The following GPC5 variants were observed in gnomAD, a reference collection of about 807,000 sequenced individuals.
GPC5 encodes the protein glypican-5.
A neutral mutation model predicts 53.9 loss-of-function variants in GPC5; 47 were observed. That is an observed-to-expected ratio of 0.87 (90% CI 0.69 to 1.11). The LOEUF (loss-of-function observed/expected upper bound fraction) is 1.11. Ranked by LOEUF, GPC5 falls within the 50% of genes most tolerant of loss-of-function variation. The pLI, the probability that GPC5 is intolerant of heterozygous loss-of-function variation, is 0.00. For synonymous variants in GPC5, 286 were observed against 263.3 expected, an observed-to-expected ratio of 1.09 and a Z score of -0.84; for missense variants, 748 against 713.1, an observed-to-expected ratio of 1.05 and a Z score of -0.56.
intron 6 of GPC5, among the ~76,000 whole-genome samples, chr13:91,996,934 G>T (rs1310610287): frequency 6.6e-6 from 1 of 151,932 alleles, no homozygotes; most frequent in Non-Finnish European, 1.5e-5. Context: ...AATACCACTT[G>T]TCTCTTCTAT....
chr13:91,489,049 G>A (rs150699319), intron 2 of GPC5, among the ~76,000 whole-genome samples: 193 of 152,314 alleles, frequency 1.3e-3, no homozygotes, highest in African/African-American at 4.2e-3. Flanking sequence ...ATTTTGGTCA[G>A]ACCGGTTGTC....
chr13:91,514,011 G>A (rs1437671543), intron 2 of GPC5, among the ~76,000 whole-genome samples: 1 of 152,130 alleles, frequency 6.6e-6, no homozygotes, highest in East Asian at 1.9e-4. Context: ...GCATTATATT[G>A]CATAGATACA....
chr13:92,417,743 T>C lies in GPC5; in HGVS notation c.1561+272754T>C, dbSNP rs1189522293. Among the ~76,000 whole-genome samples, 7 of 151,980 alleles carry C rather than the reference T, an allele frequency of 4.6e-5. No homozygotes were observed. The East Asian group carries it at 1.4e-3, about 29-fold the overall frequency. Reference sequence around the variant, plus strand: ...AAGCCCCACAGAAAATAAAAAAAATTAGCCTGATGTGGTGGCATGTGCCTG... The same window carrying C: ...AAGCCCCACAGAAAATAAAAAAAATCAGCCTGATGTGGTGGCATGTGCCTG... On this transcript the variant is annotated intron_variant, in intron 7 of 7. Transcript: ENST00000377067.
chr13:91,490,375 T>C (rs1883875029), intron 2 of GPC5, among the ~76,000 whole-genome samples: 1 of 152,188 alleles, frequency 6.6e-6, no homozygotes, highest in South Asian at 2.1e-4. Flanking sequence ...ATTAGGTTTT[T>C]AGAGGAAAGG....
At chr13:92,534,617 T>C (rs1881665569) in intron 7 of GPC5, among the ~76,000 whole-genome samples, 1 of 152,190 alleles carries the variant, frequency 6.6e-6, no homozygotes, top group Admixed American at 6.5e-5. Context: ...TACTGCAAAA[T>C]ATTAATTCAA....
intron 7 of GPC5, among the ~76,000 whole-genome samples, chr13:92,383,441 TAAAC>T (rs1312500193): frequency 2.0e-5 from 3 of 152,220 alleles, no homozygotes; most frequent in South Asian, 2.1e-4. Flanking sequence ...TATAACATTA[TAAAC>T]AAAGGAAATA....
At chr13:91,552,755 C>A (rs1298421850) in intron 2 of GPC5, among the ~76,000 whole-genome samples, 2 of 152,088 alleles carry the variant, frequency 1.3e-5, no homozygotes, top group African/African-American at 4.8e-5. Context: ...CTTAAACCCA[C>A]AAGCTTCCAG....
At chr13:92,352,330 A>G (rs9584024) in intron 7 of GPC5, among the ~76,000 whole-genome samples, 43,676 of 152,128 alleles carry the variant, frequency 0.29, 6,486 homozygotes, top group South Asian at 0.4. Flanking sequence ...CTCAAGTAAT[A>G]CGTGTTATTC....
Position 92,678,689 on chromosome 13 carries a change from G to A in GPC5, c.1562-187593G>A, listed in dbSNP as rs577547594. On this transcript the variant is annotated intron_variant, in intron 7 of 7. Coordinates refer to ENST00000377067, the MANE Select transcript of GPC5 (RefSeq NM_004466.6). ...TAGATGTCATCGTGGAGATTTCTAT[G>A]GAGGTGAAATGGAAGCTACAGAAGG... Among the ~76,000 whole-genome samples the A allele has an allele frequency of 5.3e-5, 8 of 152,260 alleles. No homozygotes were observed. In the South Asian group the frequency reaches 1.7e-3, roughly 32 times the overall value.
At chr13:92,260,163 A>G (rs1011732250) in intron 7 of GPC5, among the ~76,000 whole-genome samples, 1 of 152,170 alleles carries the variant, frequency 6.6e-6, no homozygotes, top group South Asian at 2.1e-4. Flanking sequence ...GAAGAAAAAG[A>G]TAAGTCCTGG....
intron 7 of GPC5, among the ~76,000 whole-genome samples, chr13:92,815,046 T>C (rs1208693033): frequency 6.6e-6 from 1 of 152,026 alleles, no homozygotes; most frequent in African/African-American, 2.4e-5. Flanking sequence ...TTAACACCTA[T>C]GATATACCAG....
chr13:91,490,365 A>G (rs1883873931), intron 2 of GPC5, among the ~76,000 whole-genome samples: 1 of 152,202 alleles, frequency 6.6e-6, no homozygotes, highest in Non-Finnish European at 1.5e-5. Context: ...AAATTTCAGA[A>G]TTAGGTTTTT....
At chr13:92,677,612 T>C (rs113957789) in intron 7 of GPC5, among the ~76,000 whole-genome samples, 2,266 of 152,270 alleles carry the variant, frequency 0.015, 72 homozygotes, top group African/African-American at 0.051. Context: ...TGAAGCTCCA[T>C]ATTAAAAGCA....
intron 2 of GPC5, among the ~76,000 whole-genome samples, chr13:91,541,494 C>G (rs938242407): frequency 6.6e-6 from 1 of 152,066 alleles, no homozygotes; most frequent in African/African-American, 2.4e-5. Flanking sequence ...AAGTAAGTGC[C>G]AATACCACAT....
intron 7 of GPC5, among the ~76,000 whole-genome samples, chr13:92,432,892 A>T (rs111762514): frequency 6.6e-6 from 1 of 152,006 alleles, no homozygotes; most frequent in African/African-American, 2.4e-5. Flanking sequence ...CTCTGGAAAA[A>T]GATAAATATT....
chr13:91,885,671 G>A (rs1251020216), intron 5 of GPC5, among the ~76,000 whole-genome samples: 1 of 152,116 alleles, frequency 6.6e-6, no homozygotes, highest in Non-Finnish European at 1.5e-5. Flanking sequence ...CAGTGTGTCA[G>A]TTTCCTTCTC....
chr13:92,763,116 C>CT (rs1338572157), intron 7 of GPC5, among the ~76,000 whole-genome samples: 1 of 151,960 alleles, frequency 6.6e-6, no homozygotes, highest in African/African-American at 2.4e-5. Context: ...GTTTATTTTT[C>CT]TTTTGGGTCA....
chr13:92,123,029 T>C (rs1352682264), intron 6 of GPC5, among the ~76,000 whole-genome samples: 5 of 152,242 alleles, frequency 3.3e-5, no homozygotes, highest in African/African-American at 1.2e-4. Flanking sequence ...TGATCACAAA[T>C]AGATGTGAGG....
At chr13:91,732,260 T>C (rs2036716238) in intron 4 of GPC5, among the ~76,000 whole-genome samples, 1 of 152,238 alleles carries the variant, frequency 6.6e-6, no homozygotes, top group Non-Finnish European at 1.5e-5. Flanking sequence ...ATTGTGATTT[T>C]GAGCTGTATT....
Sources: gnomAD v4.1 joint callset for allele counts (sites outside exome capture counted in the v4.1 genomes callset) on GRCh38, gnomAD v4.1.1 for gene constraint, MANE v1.5 for transcripts, NCBI Gene and HGNC (gene_info 2026-07-23, HGNC 2026-07-21) for gene names.